The following ARHGAP31 variants were observed in gnomAD, a reference collection of about 807,000 sequenced individuals.
ARHGAP31 encodes the protein Rho GTPase activating protein 31.
A neutral mutation model predicts 113.9 loss-of-function variants in ARHGAP31; 34 were observed. The observed-to-expected ratio is 0.30, with a 90% CI of 0.23 to 0.40. ARHGAP31 has a LOEUF of 0.40. Ranked by LOEUF, ARHGAP31 falls within the 10% of genes least tolerant of loss-of-function variation. The pLI, the probability that ARHGAP31 is intolerant of heterozygous loss-of-function variation, is 1.00. For missense variants in ARHGAP31, 1,548 were observed against 1,767.1 expected (o/e 0.88, Z 2.22); for synonymous variants, 650 against 684.8 (o/e 0.95, Z 0.79).
intron 10 of ARHGAP31, 122 bp downstream of exon 10, chr3:119,402,519 G>A (rs892929983): frequency 4.7e-6 from 5 of 1,063,240 alleles, no homozygotes; most frequent in Non-Finnish European, 7.0e-6. Context: ...GCCCGATTGG[G>A]TACAAATCCA....
Position 119,402,238 on chromosome 3 carries a change from C to G in ARHGAP31, c.1486C>G (p.Leu496Val). Residue 496 changes from leucine to valine, a missense_variant, in exon 10 of 12, where the codon CTC (leucine) becomes GTC (valine). Coordinates refer to ENST00000264245, the MANE Select transcript of ARHGAP31 (RefSeq NM_020754.4). ...ISEPFAVSVP[L>V]RVSAVISTNS... ...CGAGCCCTTTGCGGTATCTGTGCCG[C>G]TCCGCGTGTCCGCAGTCATCAGCAC... The G allele has an allele frequency of 6.2e-7, 1 of 1,614,290 alleles. No individual in the cohort carries two copies. The highest frequency in any genetic ancestry group is 8.5e-7 in the Non-Finnish European group (1 of 1,180,050).
Position 119,414,534 on chromosome 3 carries a change from G to A in ARHGAP31, c.2605G>A (p.Glu869Lys), listed in dbSNP as rs1232846164. 6.2e-7 allele frequency: 1 copy of A among 1,614,234 alleles called. No homozygotes were observed. Among genetic ancestry groups the A allele is most frequent in the South Asian group, 1.1e-5 (1 of 91,086 alleles). Residue 869 changes from glutamate (E) to lysine (K), a missense_variant, in exon 12 of 12, where the codon GAG (glutamate) becomes AAG (lysine). Physicochemically the swap from Glu to Lys is moderately conservative, Grantham distance 56. Transcript: ENST00000264245. ...TTTTCCAAGCCCAACCAGGGAGGTT[G>A]AGATCGTCTCACAAGAAGAGGAGGA... is the stretch of plus-strand genomic sequence containing the variant. ...CGFPSPTREV[E>K]IVSQEEEDVT...
rs543721008 is a variant in ARHGAP31, at chr3:119,300,842, A to AAAAGAAAG, written c.100+5864_100+5871dup. Among the ~76,000 whole-genome samples the AAAAGAAAG allele has an allele frequency of 5.7e-3, 795 of 139,018 alleles. 3 individuals are homozygous for AAAAGAAAG. The highest frequency in any genetic ancestry group is 0.014 in the Middle Eastern group (4 of 278). The allele number at this position is 139,018 out of a possible 152,430, so 91.2% of individuals were successfully genotyped here. On this transcript the variant is annotated intron_variant, in intron 1 of 11. Coordinates refer to ENST00000264245, the MANE Select transcript of ARHGAP31 (RefSeq NM_020754.4). ...ACTGACTCCATCTCAAAAAAAAAAA[A>AAAAGAAAG]AAAGAAAGAAAGAAAGAAAGAAAGA...
In ARHGAP31 at chr3:119,403,993, G is replaced by A. The variant is rs376281938; in HGVS notation, c.1645+1596G>A. Among the ~76,000 whole-genome samples, 47 of 152,324 alleles carry A rather than the reference G, an allele frequency of 3.1e-4. No homozygotes were observed. In the South Asian group the frequency reaches 7.9e-3, roughly 25 times the overall value. ...ATAGTTTGGCTCACAGAAGATGTGA[G>A]TAAATATTAGTCCCTTCCTCCCATT... On this transcript the variant is annotated intron_variant, in intron 10 of 11. Coordinates refer to ENST00000264245, the MANE Select transcript of ARHGAP31 (RefSeq NM_020754.4).
chr3:119,345,989 G>A (rs780688845), intron 1 of ARHGAP31, among the ~76,000 whole-genome samples: 4 of 152,138 alleles, frequency 2.6e-5, no homozygotes, highest in East Asian at 1.9e-4. Context: ...TTTAGAATCC[G>A]TCACATCTCC....
Position 119,402,142 on chromosome 3 carries a change from T to A in ARHGAP31, c.1390T>A (p.Ser464Thr), listed in dbSNP as rs564340805. 4 of 1,614,222 alleles carry A rather than the reference T, an allele frequency of 2.5e-6. No homozygotes were observed. The South Asian group carries it at 4.4e-5, about 18-fold the overall frequency. ...FYTSNDSPSK[S>T]VFTSSLFQME... ...CACTTCGAACGACAGCCCTAGCAAA[T>A]CCGTCTTCACCAGCAGCCTCTTCCA... Residue 464 changes from serine (S) to threonine (T), a missense_variant, in exon 10 of 12, where the codon TCC (serine) becomes ACC (threonine). Physicochemically the swap from Ser to Thr is moderately conservative, Grantham distance 58. Coordinates refer to ENST00000264245, the MANE Select transcript of ARHGAP31 (RefSeq NM_020754.4).
intron 8 of ARHGAP31, among the ~76,000 whole-genome samples, chr3:119,398,634 A>G (rs1402848012): frequency 1.3e-5 from 2 of 152,242 alleles, no homozygotes; most frequent in Non-Finnish European, 2.9e-5. Context: ...GTAAGTGTGC[A>G]AAAAAGGTTT....
chr3:119,407,740 A>C (rs1351052506), intron 10 of ARHGAP31, among the ~76,000 whole-genome samples: 2 of 152,208 alleles, frequency 1.3e-5, no homozygotes, highest in Non-Finnish European at 2.9e-5. Flanking sequence ...GTTAGATTGC[A>C]ACCAACCACA....
chr3:119,375,007 T>A (rs2080334986), intron 3 of ARHGAP31, among the ~76,000 whole-genome samples: 1 of 152,132 alleles, frequency 6.6e-6, no homozygotes, highest in Non-Finnish European at 1.5e-5. Context: ...CAAACTGCTT[T>A]TTTTTTTGTT....
chr3:119,359,702 A>G (rs1016868354), intron 1 of ARHGAP31, among the ~76,000 whole-genome samples: 8 of 152,080 alleles, frequency 5.3e-5, no homozygotes, highest in African/African-American at 1.9e-4. Context: ...GGAACAAAGA[A>G]CAGAGGCTGG....
chr3:119,388,308 T>TATATATATATATATATATATATA lies in ARHGAP31; in HGVS notation c.683-2477_683-2476insATATATATATATATATATATATA, dbSNP rs1553765977. On this transcript the variant is annotated intron_variant, in intron 6 of 11. Transcript: ENST00000264245. Reference sequence around the variant, plus strand: ...CATATAATATGTATATGTATAATTTTTATATATATATATATATGTACACAT... The same window carrying TATATATATATATATATATATATA: ...CATATAATATGTATATGTATAATTTTATATATATATATATATATATATATATATATATATATATATGTACACAT... Among the ~76,000 whole-genome samples, 1,331 of 133,344 alleles carry TATATATATATATATATATATATA rather than the reference T, an allele frequency of 1.0e-2. 45 individuals are homozygous for TATATATATATATATATATATATA. Among genetic ancestry groups the TATATATATATATATATATATATA allele is most frequent in the East Asian group, 0.018 (82 of 4,466 alleles). 87.5% of individuals were successfully genotyped at this position (133,344 alleles called of 152,430 possible).
chr3:119,331,060 T>C (rs1350866586), intron 1 of ARHGAP31, among the ~76,000 whole-genome samples: 2 of 152,164 alleles, frequency 1.3e-5, no homozygotes, highest in African/African-American at 4.8e-5. Flanking sequence ...ATCTTTCAGA[T>C]TAAAATGTCA....
intron 3 of ARHGAP31, among the ~76,000 whole-genome samples, chr3:119,372,072 G>A (rs2080302677): frequency 1.3e-5 from 2 of 152,122 alleles, no homozygotes; most frequent in African/African-American, 4.8e-5. Context: ...ATGAACATAC[G>A]TGTGCATGCG....
chr3:119,386,689 C>G (rs1367936830), intron 6 of ARHGAP31, among the ~76,000 whole-genome samples: 1 of 152,158 alleles, frequency 6.6e-6, no homozygotes, highest in Non-Finnish European at 1.5e-5. Flanking sequence ...CCAGTAGTGG[C>G]CCCAAATGTC....
At chr3:119,401,308 T>G (rs983917084) in intron 9 of ARHGAP31, among the ~76,000 whole-genome samples, 1 of 152,224 alleles carries the variant, frequency 6.6e-6, no homozygotes, top group African/African-American at 2.4e-5. Flanking sequence ...TTAATAGCAT[T>G]TGTTTCCTTG....
chr3:119,298,376 A>T (rs2079551825), intron 1 of ARHGAP31, among the ~76,000 whole-genome samples: 1 of 152,104 alleles, frequency 6.6e-6, no homozygotes, highest in African/African-American at 2.4e-5. Context: ...AAACCACATC[A>T]TGTTGCTGTC....
chr3:119,383,771 G>T (rs1296499232), intron 6 of ARHGAP31, among the ~76,000 whole-genome samples: 1 of 152,190 alleles, frequency 6.6e-6, no homozygotes, highest in African/African-American at 2.4e-5. Flanking sequence ...ATACAAAAAT[G>T]ATTGTGTTTG....
At chr3:119,360,167 A>G (rs1005336285) in intron 1 of ARHGAP31, among the ~76,000 whole-genome samples, 1 of 152,128 alleles carries the variant, frequency 6.6e-6, no homozygotes, top group East Asian at 1.9e-4. Context: ...GTAGTCTTTC[A>G]TAGTCTGGCT....
intron 1 of ARHGAP31, among the ~76,000 whole-genome samples, chr3:119,303,132 G>A (rs149668790): frequency 6.5e-4 from 99 of 152,324 alleles, no homozygotes; most frequent in African/African-American, 2.2e-3. Flanking sequence ...GAGTTCCCCC[G>A]AAGGCAGATC....
Sources: gnomAD v4.1 joint callset for allele counts (sites outside exome capture counted in the v4.1 genomes callset) on GRCh38, gnomAD v4.1.1 for gene constraint, MANE v1.5 for transcripts, NCBI Gene and HGNC (gene_info 2026-07-23, HGNC 2026-07-21) for gene names.